The following NOX3 variants were observed in gnomAD, a reference collection of about 807,000 sequenced individuals.
NOX3 encodes NADPH oxidase 3.
Under a neutral mutation model 76.7 loss-of-function variants are expected in NOX3, and 74 were observed. That is an observed-to-expected ratio of 0.96 (90% CI 0.80 to 1.17). The LOEUF (loss-of-function observed/expected upper bound fraction) is 1.17, where lower values mean the gene tolerates loss of function less well. NOX3 is among the 50% of genes most tolerant of loss of function. NOX3 has a pLI of 0.00. For synonymous variants in NOX3, 263 were observed against 261.1 expected, an observed-to-expected ratio of 1.01 and a Z score of -0.07; for missense variants, 695 against 703.3, an observed-to-expected ratio of 0.99 and a Z score of 0.13.
At chr6:155,400,286 G>C (rs1779205729) in intron 12 of NOX3, among the ~76,000 whole-genome samples, 2 of 152,292 alleles carry the variant, frequency 1.3e-5, no homozygotes, top group South Asian at 4.1e-4. Flanking sequence ...CTGCTGCCGT[G>C]AGCCCTTCTC....
chr6:155,441,105 T>C (rs897424425), intron 5 of NOX3, among the ~76,000 whole-genome samples: 3 of 152,208 alleles, frequency 2.0e-5, no homozygotes, highest in Non-Finnish European at 4.4e-5. Context: ...AAATAGCCTT[T>C]TAGAATAGCA....
intron 9 of NOX3, 122 bp from the exon 10 acceptor site, chr6:155,422,978 T>C: frequency 1.0e-6 from 1 of 967,676 alleles, no homozygotes; most frequent in Non-Finnish European, 1.6e-6. Flanking sequence ...AGGTTGACTC[T>C]GTGCCTGAAA....
At chr6:155,439,395 G>A (rs1334075047) in intron 6 of NOX3, among the ~76,000 whole-genome samples, 1 of 152,116 alleles carries the variant, frequency 6.6e-6, no homozygotes, top group East Asian at 1.9e-4. Context: ...TTGAATACCA[G>A]AACAGTGTTT....
intron 12 of NOX3, among the ~76,000 whole-genome samples, chr6:155,400,695 T>C (rs1779211273): frequency 6.6e-6 from 1 of 151,810 alleles, no homozygotes; most frequent in South Asian, 2.1e-4. Flanking sequence ...CCTACGACAT[T>C]ACTTTTCTCT....
At chr6:155,403,278 A>C (rs1779258801) in intron 12 of NOX3, among the ~76,000 whole-genome samples, 1 of 152,210 alleles carries the variant, frequency 6.6e-6, no homozygotes, top group African/African-American at 2.4e-5. Flanking sequence ...TCATTTTAAA[A>C]GCCTTTTGAA....
At chr6:155,441,459 G>A (rs958019833) in intron 5 of NOX3, among the ~76,000 whole-genome samples, 3 of 152,076 alleles carry the variant, frequency 2.0e-5, no homozygotes, top group African/African-American at 7.2e-5. Flanking sequence ...TGCCTATTAA[G>A]GCAAATCGCC....
chr6:155,422,067 C>T (rs151244680), intron 10 of NOX3, among the ~76,000 whole-genome samples: 92 of 152,318 alleles, frequency 6.0e-4, no homozygotes, highest in Middle Eastern at 6.8e-3. Context: ...TGCATTCATA[C>T]GGCTTTGGGT....
chr6:155,396,163 T>G (rs945172875), intron 13 of NOX3, among the ~76,000 whole-genome samples: 2 of 152,154 alleles, frequency 1.3e-5, no homozygotes, highest in Non-Finnish European at 2.9e-5. Flanking sequence ...TTAGTATTGT[T>G]TGGACCAGAA....
At position 155,443,449 on chromosome 6, in the gene NOX3, C is replaced by T. The variant is rs138827006; in HGVS notation, c.341-31G>A. On this transcript the variant is annotated intron_variant, in intron 4 of 13. Transcript: ENST00000159060. ...ACAAGGAGATGACACCAAACATGCA[C>T]CCTGTGGCTTGCTTTCTCCCTAGTT... is the stretch of plus-strand genomic sequence containing the variant. The T allele has an allele frequency of 2.0e-5, 32 of 1,603,540 alleles. No individual in the cohort carries two copies. The South Asian group carries it at 2.0e-4, about 10-fold the overall frequency.
chr6:155,443,447 C>A (rs755118091), intron 4 of NOX3, 29 bp from the exon 5 acceptor site: 2 of 1,605,510 alleles, frequency 1.2e-6, no homozygotes, highest in East Asian at 2.2e-5. Context: ...ACCAAACATG[C>A]ACCCTGTGGC....
At position 155,428,893 on chromosome 6, in the gene NOX3, A is replaced by G. The variant is rs2114694389; in HGVS notation, c.1046T>C (p.Phe349Ser). ...TLTSAPQEDF[F>S]SVHIRAAGDW... ...TCCTGCTGCCCGGATGTGCACGCTG[A>G]AAAAGTCCTCCTGGGGGGCAGAGGT... is the stretch of plus-strand genomic sequence containing the variant. The change falls in exon 9 of 14, where the codon TTC becomes TCC. Residue 349 changes from phenylalanine to serine, a missense_variant. Coordinates refer to ENST00000159060, the MANE Select transcript of NOX3 (RefSeq NM_015718.3). 6.2e-7 allele frequency: 1 copy of G among 1,613,444 alleles called. No individual in the cohort carries two copies. Among genetic ancestry groups the G allele is most frequent in the Non-Finnish European group, 8.5e-7 (1 of 1,179,668 alleles).
chr6:155,436,766 C>T (rs1776910454), intron 6 of NOX3, among the ~76,000 whole-genome samples: 1 of 152,130 alleles, frequency 6.6e-6, no homozygotes, highest in Non-Finnish European at 1.5e-5. Flanking sequence ...AGAAGGGCCC[C>T]TCTGTGGTAT....
At chr6:155,442,205 A>G (rs980838830) in intron 5 of NOX3, among the ~76,000 whole-genome samples, 5 of 152,196 alleles carry the variant, frequency 3.3e-5, no homozygotes, top group Non-Finnish European at 7.3e-5. Flanking sequence ...CGGAGCTTGC[A>G]GTGAGCCGTG....
chr6:155,428,861 T>A lies in NOX3; in HGVS notation c.1078A>T (p.Thr360Ser). The A allele has an allele frequency of 6.2e-7, 1 of 1,610,538 alleles. No individual in the cohort carries two copies. The highest frequency in any genetic ancestry group is 8.5e-7 in the Non-Finnish European group (1 of 1,177,686). The stretch of plus-strand genomic sequence containing the variant: ...CCAAAGGCCTCCAGTAGCGCTGCTG[T>A]CCAGTCTCCTGCTGCCCGGATGTGC... ...SVHIRAAGDW[T>S]AALLEAFGAE... is the part of the protein sequence containing the mutation. The change falls in exon 9 of 14, where the codon ACA (threonine) becomes TCA (serine). Residue 360 changes from threonine to serine, a missense_variant. Thr to Ser is a moderately conservative substitution (Grantham distance 58). Transcript: ENST00000159060.
intron 9 of NOX3, among the ~76,000 whole-genome samples, chr6:155,423,895 C>T (rs1026905183): frequency 5.9e-5 from 9 of 152,000 alleles, no homozygotes; most frequent in African/African-American, 2.2e-4. Flanking sequence ...CACGTGCCAC[C>T]ACGCCCAGCT....
chr6:155,429,540 C>T (rs1042422519), intron 8 of NOX3, among the ~76,000 whole-genome samples: 1 of 152,204 alleles, frequency 6.6e-6, no homozygotes, highest in African/African-American at 2.4e-5. Context: ...TCTTCAAACT[C>T]ACTTCAAACT....
At chr6:155,429,318 C>T (rs1776800993) in intron 8 of NOX3, among the ~76,000 whole-genome samples, 1 of 152,186 alleles carries the variant, frequency 6.6e-6, no homozygotes, top group Non-Finnish European at 1.5e-5. Context: ...GTCCATGTGT[C>T]CAATGGCCAG....
At chr6:155,429,099 A>C in intron 8 of NOX3, 52 bp from the exon 9 acceptor site, 1 of 1,447,272 alleles carries the variant, frequency 6.9e-7, no homozygotes, top group East Asian at 2.5e-5. Context: ...TAATAAAGAA[A>C]CACCTTTCAT....
intron 12 of NOX3, among the ~76,000 whole-genome samples, chr6:155,401,340 C>T (rs934804627): frequency 6.6e-6 from 1 of 152,030 alleles, no homozygotes; most frequent in South Asian, 2.1e-4. Flanking sequence ...TTTATTTTTC[C>T]CATGAAGCTG....
Sources: allele counts gnomAD v4.1 joint callset (sites outside exome capture counted in the v4.1 genomes callset), GRCh38; gene constraint gnomAD v4.1.1; transcripts MANE v1.5; gene names NCBI Gene and HGNC (gene_info 2026-07-23, HGNC 2026-07-21).